The following BBS9 variants were observed in gnomAD, a reference collection of about 807,000 sequenced individuals.
BBS9 encodes Bardet-Biedl syndrome 9, also known as protein PTHB1.
A neutral mutation model predicts 117.7 loss-of-function variants in BBS9; 89 were observed. The ratio of observed to expected loss-of-function variants is 0.76; its 90% CI spans 0.64 to 0.90. The LOEUF (loss-of-function observed/expected upper bound fraction) is 0.90, where lower values mean the gene tolerates loss of function less well. BBS9 is among the 40% of genes least tolerant of loss of function. BBS9 has a pLI of 0.00. For synonymous variants in BBS9, 379 were observed against 370.9 expected (o/e 1.02, Z -0.25); for missense variants, 982 against 1,042.2 (o/e 0.94, Z 0.80).
At chr7:33,235,381 T>C (rs537341108) in intron 5 of BBS9, among the ~76,000 whole-genome samples, 1 of 152,114 alleles carries the variant, frequency 6.6e-6, no homozygotes, top group Non-Finnish European at 1.5e-5. Flanking sequence ...AATGTTTTAC[T>C]AGGGAATTTA....
At chr7:33,182,532 G>A (rs1473006548) in intron 5 of BBS9, among the ~76,000 whole-genome samples, 2 of 152,164 alleles carry the variant, frequency 1.3e-5, no homozygotes, top group African/African-American at 2.4e-5. Flanking sequence ...TATCTGACCT[G>A]CCTAATTTAG....
intron 19 of BBS9, among the ~76,000 whole-genome samples, chr7:33,470,882 G>T (rs1055409597): frequency 1.3e-5 from 2 of 152,138 alleles, no homozygotes; most frequent in Non-Finnish European, 2.9e-5. Context: ...TAGATGATGA[G>T]TTTTGAGTAG....
At chr7:33,318,991 C>T (rs1289972623) in intron 9 of BBS9, among the ~76,000 whole-genome samples, 3 of 151,936 alleles carry the variant, frequency 2.0e-5, no homozygotes, top group Admixed American at 6.6e-5. Flanking sequence ...GATGAAACCC[C>T]GTCTCTACTA....
intron 14 of BBS9, 131 bp downstream of exon 14, chr7:33,351,454 AATC>A: frequency 1.3e-6 from 1 of 745,230 alleles, no homozygotes; most frequent in South Asian, 1.5e-5. Flanking sequence ...TGTTAAGTAA[AATC>A]ATGTTTTCAT....
chr7:33,596,299 C>CACACA (rs1491153351), intron 21 of BBS9, among the ~76,000 whole-genome samples: 5 of 143,502 alleles, frequency 3.5e-5, no homozygotes, highest in Admixed American at 6.9e-5. Context: ...CACACACACA[C>CACACA]TTATATATGT....
intron 19 of BBS9, among the ~76,000 whole-genome samples, chr7:33,418,388 CTGAG>C (rs946704458): frequency 1.3e-5 from 2 of 152,178 alleles, no homozygotes; most frequent in Non-Finnish European, 2.9e-5. Flanking sequence ...CCTTGGGAGA[CTGAG>C]TGTGTGGCCA....
intron 5 of BBS9, among the ~76,000 whole-genome samples, chr7:33,230,880 T>G (rs1367724607): frequency 1.3e-5 from 2 of 152,196 alleles, no homozygotes; most frequent in African/African-American, 4.8e-5. Context: ...GCAATAAACA[T>G]ATGCATGCAG....
At chr7:33,406,826 C>T (rs1240678259) in intron 19 of BBS9, among the ~76,000 whole-genome samples, 1 of 152,190 alleles carries the variant, frequency 6.6e-6, no homozygotes, top group Non-Finnish European at 1.5e-5. Flanking sequence ...ATGGGCTTCC[C>T]TTTGTGGGTA....
intron 21 of BBS9, among the ~76,000 whole-genome samples, chr7:33,576,849 A>T (rs973661756): frequency 3.3e-5 from 5 of 152,214 alleles, no homozygotes; most frequent in African/African-American, 1.2e-4. Context: ...CTGGCTAGCC[A>T]TATGTAGAAA....
At chr7:33,377,190 A>C (rs917663937) in intron 17 of BBS9, among the ~76,000 whole-genome samples, 1 of 152,132 alleles carries the variant, frequency 6.6e-6, no homozygotes, top group African/African-American at 2.4e-5. Flanking sequence ...TTTTACATTT[A>C]AGTCTTTAAC....
intron 20 of BBS9, among the ~76,000 whole-genome samples, chr7:33,524,897 T>C (rs1422692114): frequency 6.6e-6 from 1 of 152,248 alleles, no homozygotes; most frequent in Non-Finnish European, 1.5e-5. Flanking sequence ...GTGCTATAAA[T>C]TTCCCTGTAC....
At chr7:33,200,308 T>C (rs1057509835) in intron 5 of BBS9, among the ~76,000 whole-genome samples, 7 of 152,162 alleles carry the variant, frequency 4.6e-5, no homozygotes, top group African/African-American at 1.7e-4. Flanking sequence ...TACTGTTATT[T>C]CTCTCTGATT....
At chr7:33,303,854 C>T (rs2128527579) in intron 9 of BBS9, among the ~76,000 whole-genome samples, 1 of 152,250 alleles carries the variant, frequency 6.6e-6, no homozygotes, top group South Asian at 2.1e-4. Context: ...TCTCGGCTCG[C>T]TACAAGGTCC....
intron 19 of BBS9, among the ~76,000 whole-genome samples, chr7:33,446,843 A>T (rs1339465027): frequency 1.3e-5 from 2 of 152,182 alleles, no homozygotes; most frequent in Non-Finnish European, 1.5e-5. Context: ...GATGTTGAGC[A>T]CTTCAGAGGG....
intron 5 of BBS9, among the ~76,000 whole-genome samples, chr7:33,205,012 T>A (rs1311061787): frequency 6.6e-6 from 1 of 152,204 alleles, no homozygotes; most frequent in Admixed American, 6.5e-5. Flanking sequence ...ATCGATTTTA[T>A]CAGATAGGAA....
intron 5 of BBS9, among the ~76,000 whole-genome samples, chr7:33,247,495 C>A (rs1355564868): frequency 6.6e-6 from 1 of 152,130 alleles, no homozygotes. Context: ...TTTTTAAATC[C>A]ATGTCTCGAT....
At chr7:33,407,351 G>A (rs1202485086) in intron 19 of BBS9, among the ~76,000 whole-genome samples, 1 of 152,078 alleles carries the variant, frequency 6.6e-6, no homozygotes, top group Non-Finnish European at 1.5e-5. Flanking sequence ...TTTTTTCAAA[G>A]TTTTCAACTT....
chr7:33,173,812 A>C (rs528352606), intron 4 of BBS9, among the ~76,000 whole-genome samples: 44 of 152,172 alleles, frequency 2.9e-4, no homozygotes, highest in African/African-American at 1.1e-3. Context: ...TCAGTTCTTC[A>C]GAAACTAAGG....
chr7:33,434,364 A>G (rs1024911436), intron 19 of BBS9, among the ~76,000 whole-genome samples: 1 of 151,840 alleles, frequency 6.6e-6, no homozygotes, highest in Non-Finnish European at 1.5e-5. Context: ...TTAGTAATAT[A>G]TTCATTAAAA....
Sources: gnomAD v4.1 joint callset for allele counts (sites outside exome capture counted in the v4.1 genomes callset) on GRCh38, gnomAD v4.1.1 for gene constraint, MANE v1.5 for transcripts, NCBI Gene and HGNC (gene_info 2026-07-23, HGNC 2026-07-21) for gene names.